Variants in ZBTB20 observed in about 807,000 individuals in gnomAD.
ZBTB20 encodes zinc finger and BTB domain containing 20.
ZBTB20 carries 9 observed loss-of-function variants against 56.9 expected under a neutral mutation model. That is an observed-to-expected ratio of 0.16 (90% CI 0.10 to 0.28). The LOEUF (loss-of-function observed/expected upper bound fraction) is 0.28. Among genes scored for constraint, ZBTB20 ranks in the 10% least tolerant of loss-of-function variants. ZBTB20 has a pLI of 1.00. For synonymous variants in ZBTB20, 417 were observed against 420.7 expected (o/e 0.99, Z 0.11); for missense variants, 655 against 1,003.0 (o/e 0.65, Z 4.69).
chr3:114,532,935 A>G, intron 6 of ZBTB20, among the ~76,000 whole-genome samples: 1 of 152,222 alleles, frequency 6.6e-6, no homozygotes. Context: ...ACAGAAAGGA[A>G]TAGCATCAAC....
intron 4 of ZBTB20, among the ~76,000 whole-genome samples, chr3:114,824,656 G>T (rs1269885057): frequency 6.6e-6 from 1 of 151,736 alleles, no homozygotes; most frequent in Non-Finnish European, 1.5e-5. Context: ...TTTCCTAAAA[G>T]CTCAAACAAA....
chr3:114,571,894 C>CTATA (rs2053477168), intron 6 of ZBTB20, among the ~76,000 whole-genome samples: 2 of 152,272 alleles, frequency 1.3e-5, no homozygotes, highest in East Asian at 1.9e-4. Context: ...CTCTCTAATT[C>CTATA]TATATCCAGC....
intron 6 of ZBTB20, among the ~76,000 whole-genome samples, chr3:114,565,394 C>T (rs1402191763): frequency 6.6e-6 from 1 of 152,192 alleles, no homozygotes; most frequent in Non-Finnish European, 1.5e-5. Context: ...GGGCGTCTGG[C>T]ACCTTGCCCC....
At chr3:114,454,538 C>G (rs551776571) in intron 7 of ZBTB20, 1 of 151,714 alleles carries the variant, frequency 6.6e-6, no homozygotes, top group Non-Finnish European at 1.5e-5. Flanking sequence ...TTTTCCATCT[C>G]GGTTGCGACA....
intron 4 of ZBTB20, among the ~76,000 whole-genome samples, chr3:114,844,606 A>G (rs1160000478): frequency 6.7e-6 from 1 of 148,866 alleles, no homozygotes; most frequent in Non-Finnish European, 1.5e-5. Context: ...ATAACATGGT[A>G]AACATACATT....
chr3:114,768,673 T>G (rs1395594966), intron 5 of ZBTB20, among the ~76,000 whole-genome samples: 1 of 152,222 alleles, frequency 6.6e-6, no homozygotes, highest in Non-Finnish European at 1.5e-5. Context: ...TTTCGCATAG[T>G]AATTCATAAT....
chr3:114,820,760 G>C (rs1271177302), intron 4 of ZBTB20, among the ~76,000 whole-genome samples: 2 of 151,816 alleles, frequency 1.3e-5, no homozygotes, highest in East Asian at 1.9e-4. Context: ...CTTTTTTTTA[G>C]TGCTGAAGAA....
intron 3 of ZBTB20, among the ~76,000 whole-genome samples, chr3:114,958,865 A>G (rs1560437888): frequency 6.6e-6 from 1 of 151,812 alleles, no homozygotes; most frequent in Non-Finnish European, 1.5e-5. Context: ...AAAAAAAAAA[A>G]GAAAGAAAAA....
At chr3:115,147,120 C>G (rs980823711) in intron 1 of ZBTB20, 99 bp downstream of exon 1, 1 of 147,412 alleles carries the variant, frequency 6.8e-6, no homozygotes, top group African/African-American at 2.5e-5. Flanking sequence ...CGCCGCCCCC[C>G]ACTCCAGGCG....
chr3:114,414,949 C>T (rs1169898613), intron 7 of ZBTB20, among the ~76,000 whole-genome samples: 1 of 151,756 alleles, frequency 6.6e-6, no homozygotes, highest in Non-Finnish European at 1.5e-5. Context: ...TCTGCCGCCC[C>T]CCCGCACCCA....
At chr3:114,552,990 T>C (rs2050764845) in intron 6 of ZBTB20, among the ~76,000 whole-genome samples, 1 of 152,172 alleles carries the variant, frequency 6.6e-6, no homozygotes, top group Non-Finnish European at 1.5e-5. Flanking sequence ...CCAAGAAGTG[T>C]CCTCAATATA....
chr3:114,821,618 C>T (rs1285686353), intron 4 of ZBTB20, among the ~76,000 whole-genome samples: 1 of 152,052 alleles, frequency 6.6e-6, no homozygotes, highest in Non-Finnish European at 1.5e-5. Context: ...ATCTGTCCTC[C>T]TGCTTCCCAC....
chr3:114,749,527 C>G (rs2067384660), intron 5 of ZBTB20, among the ~76,000 whole-genome samples: 1 of 150,628 alleles, frequency 6.6e-6, no homozygotes, highest in South Asian at 2.1e-4. Context: ...CACTCCAACC[C>G]AGGCAACAGT....
At position 114,930,970 on chromosome 3, in the gene ZBTB20, G is replaced by A. The variant is rs149807828; in HGVS notation, c.-455-30628C>T. ...CCATGTGGTCCTCAGGCAATTACCAGTAGAATTACCAGAATAGTGAGAGTG... is the reference window on the plus strand; with the variant it reads ...CCATGTGGTCCTCAGGCAATTACCAATAGAATTACCAGAATAGTGAGAGTG... On this transcript the variant is annotated intron_variant, in intron 3 of 11. Transcript: ENST00000675478. 2.1e-4 allele frequency: 38 copies of A among 179,276 alleles called. No homozygotes were observed. The East Asian group carries it at 5.4e-3, about 26-fold the overall frequency. The allele number at this position is 179,276 out of a possible 1,614,324, so 11.1% of individuals were successfully genotyped here.
intron 10 of ZBTB20, among the ~76,000 whole-genome samples, chr3:114,379,466 G>A (rs954792332): frequency 1.3e-5 from 2 of 152,164 alleles, no homozygotes; most frequent in Non-Finnish European, 2.9e-5. Context: ...TCTCCTAAAC[G>A]TGATTTATCA....
At chr3:114,564,201 C>A (rs1284603949) in intron 6 of ZBTB20, among the ~76,000 whole-genome samples, 4 of 152,096 alleles carry the variant, frequency 2.6e-5, no homozygotes, top group Non-Finnish European at 4.4e-5. Flanking sequence ...CTTTAAACGG[C>A]CCTTATAATC....
chr3:115,033,802 A>T (rs1365451279), intron 2 of ZBTB20, among the ~76,000 whole-genome samples: 1 of 151,788 alleles, frequency 6.6e-6, no homozygotes, highest in Non-Finnish European at 1.5e-5. Context: ...CAATAAATAA[A>T]AACAACAGAC....
chr3:114,989,719 T>C (rs1172667414), intron 2 of ZBTB20, among the ~76,000 whole-genome samples: 2 of 152,212 alleles, frequency 1.3e-5, no homozygotes, highest in African/African-American at 4.8e-5. Context: ...TGATATTGAT[T>C]CTTCCTATCC....
chr3:114,954,291 G>C (rs1331997487), intron 3 of ZBTB20, among the ~76,000 whole-genome samples: 3 of 152,080 alleles, frequency 2.0e-5, no homozygotes, highest in Non-Finnish European at 4.4e-5. Flanking sequence ...AAATCAGAAA[G>C]TGGCCCTTTT....
Sources: allele counts gnomAD v4.1 joint callset (sites outside exome capture counted in the v4.1 genomes callset), GRCh38; gene constraint gnomAD v4.1.1; transcripts MANE v1.5; gene names NCBI Gene and HGNC (gene_info 2026-07-23, HGNC 2026-07-21).